The following EPHB2 variants were observed in gnomAD, a reference collection of about 807,000 sequenced individuals.
EPHB2 encodes the protein EPH receptor B2, also known as ephrin type-B receptor 2.
EPHB2 carries 18 observed loss-of-function variants against 96.4 expected under a neutral mutation model. The ratio of observed to expected loss-of-function variants is 0.19; its 90% CI spans 0.13 to 0.28. The LOEUF is 0.28. EPHB2 is among the 10% of genes least tolerant of loss of function. The probability of loss-of-function intolerance (pLI) is 1.00; values close to 1 mark genes in which losing one functional copy is unlikely to be tolerated. For missense variants in EPHB2, 989 were observed against 1,355.4 expected (o/e 0.73, Z 4.25); for synonymous variants, 506 against 534.1 (o/e 0.95, Z 0.72).
chr1:22,737,882 T>C (rs919275463), intron 1 of EPHB2, among the ~76,000 whole-genome samples: 2 of 152,134 alleles, frequency 1.3e-5, no homozygotes, highest in Admixed American at 6.5e-5. Context: ...CACAAGACCT[T>C]GGAAGTAGGA....
intron 1 of EPHB2, among the ~76,000 whole-genome samples, chr1:22,753,347 G>A (rs915927099): frequency 5.9e-5 from 9 of 152,158 alleles, no homozygotes; most frequent in South Asian, 2.1e-4. Context: ...TCAAATGCTC[G>A]GCACACATCC....
intron 1 of EPHB2, among the ~76,000 whole-genome samples, chr1:22,758,283 C>T (rs1353666865): frequency 6.6e-6 from 1 of 151,800 alleles, no homozygotes; most frequent in Non-Finnish European, 1.5e-5. Flanking sequence ...TTGAAAGCAC[C>T]CTGCCAGATG....
rs145934660 is a variant in EPHB2, at chr1:22,831,995, T to C, written c.812-31042T>C. Among the ~76,000 whole-genome samples the C allele has an allele frequency of 2.6e-3, 403 of 152,226 alleles. 5 individuals are homozygous for C. Among genetic ancestry groups the C allele is most frequent in the African/African-American group, 9.3e-3 (386 of 41,536 alleles). On this transcript the variant is annotated intron_variant, in intron 3 of 15. Transcript: ENST00000374630. Reference sequence around the variant, plus strand: ...GAGGGGTACTGGGGAGAGGAAGAATTGGGCTTCCCCAGGCCCCAAATGGAG... The same window carrying C: ...GAGGGGTACTGGGGAGAGGAAGAATCGGGCTTCCCCAGGCCCCAAATGGAG...
intron 3 of EPHB2, among the ~76,000 whole-genome samples, chr1:22,833,489 G>A (rs1645337001): frequency 6.6e-6 from 1 of 152,156 alleles, no homozygotes; most frequent in Non-Finnish European, 1.5e-5. Context: ...GGAGGAATAG[G>A]ATTGGAATTA....
intron 5 of EPHB2, among the ~76,000 whole-genome samples, chr1:22,867,881 G>GA (rs376845540): frequency 6.6e-6 from 1 of 150,834 alleles, no homozygotes; most frequent in Non-Finnish European, 1.5e-5. Context: ...CGAAGAAGAA[G>GA]AAAAAAAAAG....
intron 1 of EPHB2, among the ~76,000 whole-genome samples, chr1:22,748,669 T>C (rs896215503): frequency 2.0e-5 from 3 of 151,568 alleles, no homozygotes; most frequent in Non-Finnish European, 4.4e-5. Flanking sequence ...CGTGAGCCAC[T>C]GCGCCCAGCT....
chr1:22,859,115 T>G (rs1233790038), intron 3 of EPHB2, among the ~76,000 whole-genome samples: 4 of 151,562 alleles, frequency 2.6e-5, no homozygotes, highest in Non-Finnish European at 5.9e-5. Context: ...TCCAGCCTGG[T>G]CAACACAGCG....
At chr1:22,881,100 C>A (rs1639029803) in intron 5 of EPHB2, among the ~76,000 whole-genome samples, 1 of 151,976 alleles carries the variant, frequency 6.6e-6, no homozygotes, top group Admixed American at 6.5e-5. Context: ...ATGGCGAAAC[C>A]CCGCCTCTAC....
At chr1:22,895,703 T>A in intron 8 of EPHB2, 123 bp downstream of exon 8, 1 of 931,586 alleles carries the variant, frequency 1.1e-6, no homozygotes, top group Non-Finnish European at 1.7e-6. Flanking sequence ...CAGGGAGAGA[T>A]GTGGGTAGGA....
chr1:22,758,681 T>G (rs1644190699), intron 1 of EPHB2, among the ~76,000 whole-genome samples: 1 of 151,438 alleles, frequency 6.6e-6, no homozygotes, highest in African/African-American at 2.4e-5. Context: ...TCAGGTCACC[T>G]TTCTAGGCCT....
In EPHB2 at chr1:22,846,421, CAAA is replaced by C. The variant is rs548171634; in HGVS notation, c.812-16603_812-16601del. Among the ~76,000 whole-genome samples, 3 of 108,728 alleles carry C rather than the reference CAAA, an allele frequency of 2.8e-5. No homozygotes were observed. Among genetic ancestry groups the C allele is most frequent in the Non-Finnish European group, 4.1e-5 (2 of 48,502 alleles). 71.3% of individuals were successfully genotyped at this position (108,728 alleles called of 152,430 possible). ...ACAGAGTGAGAGTGAGACTCTGTCT[CAAA>C]AAAAAAAAAAAAGAAAAGAAAGTCC... On this transcript the variant is annotated intron_variant, in intron 3 of 15. Transcript: ENST00000374630. This position sits in a 1 kb window ranked among gnomAD's most constrained non-coding sequence, Gnocchi z 4.3.
intron 1 of EPHB2, among the ~76,000 whole-genome samples, chr1:22,778,712 C>T (rs1644487309): frequency 6.6e-6 from 1 of 152,234 alleles, no homozygotes; most frequent in Non-Finnish European, 1.5e-5. Context: ...TTCTGAGATC[C>T]TCCCACTGCT....
intron 3 of EPHB2, among the ~76,000 whole-genome samples, chr1:22,821,576 C>A (rs1207416765): frequency 1.3e-5 from 2 of 152,198 alleles, no homozygotes; most frequent in East Asian, 1.9e-4. Flanking sequence ...AATCACAAAA[C>A]CTGAGTTATT....
chr1:22,913,881 G>A lies in EPHB2; in HGVS notation c.*311G>A. The A allele has an allele frequency of 6.3e-7, 1 of 1,585,972 alleles. No homozygotes were observed. ...TCTTGCGGGGGATAAAAAAGGGCTT[G>A]GGAGATTCATGCGATGTGTCCAATC... On this transcript the variant is annotated 3_prime_UTR_variant, in exon 16 of 16. Transcript: ENST00000374630. The surrounding 1 kb of genome is among the most constrained non-coding windows in gnomAD (Gnocchi z 4.1).
At chr1:22,716,492 C>T (rs943049744) in intron 1 of EPHB2, among the ~76,000 whole-genome samples, 13 of 152,268 alleles carry the variant, frequency 8.5e-5, no homozygotes, top group Middle Eastern at 3.4e-3. Flanking sequence ...CCACTACACC[C>T]GGCTAATTTT....
At chr1:22,907,602 G>T (rs1377726503) in intron 11 of EPHB2, among the ~76,000 whole-genome samples, 1 of 152,202 alleles carries the variant, frequency 6.6e-6, no homozygotes, top group African/African-American at 2.4e-5. Context: ...ACACCTTCTT[G>T]TATAACCCAG....
At position 22,865,226 on chromosome 1, in the gene EPHB2, A is replaced by G; in HGVS notation, c.1303+14A>G. 1 of 1,614,138 alleles carries G rather than the reference A, an allele frequency of 6.2e-7. No homozygotes were observed. Among genetic ancestry groups the G allele is most frequent in the Non-Finnish European group, 8.5e-7 (1 of 1,180,020 alleles). On this transcript the variant is annotated intron_variant, in intron 5 of 15. Transcript: ENST00000374630. Reference sequence around the variant, plus strand: ...CCAACCAGGCAGGTAAGTGCTTCCGACGTGGGCCAGGGGAGTGCCCCATCG... The same window carrying G: ...CCAACCAGGCAGGTAAGTGCTTCCGGCGTGGGCCAGGGGAGTGCCCCATCG...
At chr1:22,739,090 A>C (rs1643873537) in intron 1 of EPHB2, among the ~76,000 whole-genome samples, 1 of 152,168 alleles carries the variant, frequency 6.6e-6, no homozygotes, top group South Asian at 2.1e-4. Context: ...CCCAGGCTGG[A>C]ATACAGTGGC....
chr1:22,751,761 C>T (rs1644066811), intron 1 of EPHB2, among the ~76,000 whole-genome samples: 1 of 152,200 alleles, frequency 6.6e-6, no homozygotes, highest in African/African-American at 2.4e-5. Context: ...GGATCACCTG[C>T]CACACAGAAA....
Sources: gnomAD v4.1 joint callset for allele counts (sites outside exome capture counted in the v4.1 genomes callset) on GRCh38, gnomAD v4.1.1 for gene constraint, Gnocchi (gnomAD v3.1) non-coding constraint, MANE v1.5 for transcripts, NCBI Gene and HGNC (gene_info 2026-07-23, HGNC 2026-07-21) for gene names.